ULK4: variants seen among roughly 807,000 people sequenced by gnomAD.
The protein encoded by ULK4 is unc-51 like kinase 4, also known as inactive serine/threonine-protein kinase ULK4.
Under a neutral mutation model 160.6 loss-of-function variants are expected in ULK4, and 133 were observed. The ratio of observed to expected loss-of-function variants is 0.83; its 90% confidence interval spans 0.72 to 0.96. The LOEUF is 0.96. Among genes scored for constraint, ULK4 ranks in the 40% least tolerant of loss-of-function variants. ULK4 has a pLI of 0.00. For synonymous variants in ULK4, 534 were observed against 539.8 expected (o/e 0.99, Z 0.15); for missense variants, 1,580 against 1,499.5 (o/e 1.05, Z -0.89).
At chr3:41,778,115 G>A (rs1419090282) in intron 21 of ULK4, among the ~76,000 whole-genome samples, 1 of 125,110 alleles carries the variant, frequency 8.0e-6, no homozygotes, top group Non-Finnish European at 1.6e-5. Flanking sequence ...TCCTTAAGCT[G>A]ATAAGCAACT....
chr3:41,702,972 G>A (rs2036733569), intron 27 of ULK4, among the ~76,000 whole-genome samples: 1 of 150,660 alleles, frequency 6.6e-6, no homozygotes, highest in Non-Finnish European at 1.5e-5. Context: ...TCCTGCCCCA[G>A]CCTCCCGAGT....
intron 12 of ULK4, among the ~76,000 whole-genome samples, chr3:41,904,035 A>G (rs1438680352): frequency 6.6e-6 from 1 of 150,766 alleles, no homozygotes; most frequent in Admixed American, 6.6e-5. Flanking sequence ...CCCGGGAATT[A>G]TATCGTAAAT....
At chr3:41,590,388 G>C (rs2031198328) in intron 31 of ULK4, among the ~76,000 whole-genome samples, 1 of 149,842 alleles carries the variant, frequency 6.7e-6, no homozygotes, top group African/African-American at 2.5e-5. Flanking sequence ...GGCTGAGGCG[G>C]GTGGATCACC....
intron 35 of ULK4, among the ~76,000 whole-genome samples, chr3:41,251,740 G>T (rs374631310): frequency 6.6e-6 from 1 of 152,208 alleles, no homozygotes; most frequent in Non-Finnish European, 1.5e-5. Flanking sequence ...AGCAAGAGGA[G>T]CCTGCAACCA....
At chr3:41,602,159 C>T in intron 31 of ULK4, among the ~76,000 whole-genome samples, 1 of 149,718 alleles carries the variant, frequency 6.7e-6, no homozygotes, top group East Asian at 2.0e-4. Context: ...TCATGCTGCA[C>T]CTAAAGCCTG....
At chr3:41,886,574 AT>A (rs1280152000) in intron 16 of ULK4, among the ~76,000 whole-genome samples, 366 of 145,080 alleles carry the variant, frequency 2.5e-3, no homozygotes, top group Middle Eastern at 3.5e-3. Flanking sequence ...TAAAATGTGA[AT>A]TTTTTTTTTT....
Position 41,835,887 on chromosome 3 carries a change from G to A in ULK4, c.1741C>T (p.Leu581=). ...KQCLLPTLGE[L]IYLVATQEEK... is the part of the protein sequence containing the mutation. ...ACCTGGGTGGCTACAAGATAGATCA[G>A]CTCCCCAAGGGTTGGTAAAAGGCAC... The change falls in exon 18 of 37, where the codon CTG becomes TTG. Residue 581 remains leucine, a synonymous_variant. Coordinates refer to ENST00000301831, the MANE Select transcript of ULK4 (RefSeq NM_017886.4). The A allele has an allele frequency of 6.2e-7, 1 of 1,612,114 alleles. No homozygotes were observed. The highest frequency in any genetic ancestry group is 1.1e-5 in the South Asian group (1 of 90,822).
At chr3:41,662,096 T>C (rs1481013261) in intron 30 of ULK4, among the ~76,000 whole-genome samples, 1 of 152,180 alleles carries the variant, frequency 6.6e-6, no homozygotes, top group African/African-American at 2.4e-5. Context: ...TATATAACTA[T>C]CTGAATTTTT....
At position 41,433,000 on chromosome 3, in the gene ULK4, C is replaced by T. The variant is rs114116532; in HGVS notation, c.3492+22497G>A. Among the ~76,000 whole-genome samples, 633 of 151,892 alleles carry T rather than the reference C, an allele frequency of 4.2e-3. 4 individuals carry two copies. The highest frequency in any genetic ancestry group is 0.015 in the African/African-American group (606 of 41,426). On this transcript the variant is annotated intron_variant, in intron 34 of 36. Transcript: ENST00000301831. ...ACATAAAACTCAAAACTCTTAAAGA[C>T]ACTGATAAATTTGATTGAACAGAAC...
At chr3:41,481,826 CAA>C (rs71616009) in intron 32 of ULK4, among the ~76,000 whole-genome samples, 115 of 66,840 alleles carry the variant, frequency 1.7e-3, no homozygotes, top group African/African-American at 4.8e-3. Flanking sequence ...GACTCCGTCT[CAA>C]AAAAAAAAAA....
intron 35 of ULK4, among the ~76,000 whole-genome samples, chr3:41,364,778 C>G (rs1181821646): frequency 6.6e-6 from 1 of 152,142 alleles, no homozygotes; most frequent in Non-Finnish European, 1.5e-5. Flanking sequence ...ATATATGGAA[C>G]TGGCTAGAGA....
chr3:41,682,330 C>T (rs2035949950), intron 27 of ULK4, among the ~76,000 whole-genome samples: 1 of 151,888 alleles, frequency 6.6e-6, no homozygotes, highest in African/African-American at 2.4e-5. Context: ...TATCAGAGAA[C>T]AATCAAATAT....
intron 22 of ULK4, among the ~76,000 whole-genome samples, chr3:41,744,610 T>C (rs2038355468): frequency 6.6e-6 from 1 of 151,876 alleles, no homozygotes; most frequent in South Asian, 2.1e-4. Flanking sequence ...AAGCCACAAT[T>C]ATAACTGCAG....
At chr3:41,828,669 T>C (rs2041458042) in intron 18 of ULK4, among the ~76,000 whole-genome samples, 1 of 151,114 alleles carries the variant, frequency 6.6e-6, no homozygotes, top group Non-Finnish European at 1.5e-5. Flanking sequence ...TGGAAGAACA[T>C]TCCATGCTCA....
intron 21 of ULK4, among the ~76,000 whole-genome samples, chr3:41,759,855 A>G (rs2038927870): frequency 6.6e-6 from 1 of 152,228 alleles, no homozygotes; most frequent in Non-Finnish European, 1.5e-5. Flanking sequence ...TGGAAAAAGG[A>G]TAATCATATG....
At chr3:41,448,063 C>G (rs1035497425) in intron 34 of ULK4, among the ~76,000 whole-genome samples, 1 of 152,190 alleles carries the variant, frequency 6.6e-6, no homozygotes, top group Non-Finnish European at 1.5e-5. Context: ...TAGCTCTTTA[C>G]TTCCTTTCCT....
intron 30 of ULK4, among the ~76,000 whole-genome samples, chr3:41,654,272 C>G (rs2034851936): frequency 1.3e-5 from 2 of 152,162 alleles, no homozygotes; most frequent in Admixed American, 6.5e-5. Flanking sequence ...CAAACACATC[C>G]AACTATCAAC....
chr3:41,574,420 T>G (rs1425460489), intron 31 of ULK4, among the ~76,000 whole-genome samples: 1 of 151,340 alleles, frequency 6.6e-6, no homozygotes, highest in Non-Finnish European at 1.5e-5. Flanking sequence ...TCCTCTGCTC[T>G]CCATTCCCAC....
intron 22 of ULK4, among the ~76,000 whole-genome samples, chr3:41,724,373 A>G (rs1017466877): frequency 1.3e-5 from 2 of 152,124 alleles, no homozygotes; most frequent in South Asian, 4.1e-4. Flanking sequence ...GACACTGATG[A>G]TCAGTTTTCT....
Sources: gnomAD v4.1 joint callset for allele counts (sites outside exome capture counted in the v4.1 genomes callset) on GRCh38, gnomAD v4.1.1 for gene constraint, MANE v1.5 for transcripts, NCBI Gene and HGNC (gene_info 2026-07-23, HGNC 2026-07-21) for gene names.